GRM8: variants seen among roughly 807,000 people sequenced by gnomAD.
GRM8 encodes metabotropic glutamate receptor 8.
In GRM8, 47 loss-of-function variants were observed where a neutral mutation model predicts 87.2. That is an observed-to-expected ratio of 0.54 (90% CI 0.43 to 0.69). The LOEUF is 0.69. Ranked by LOEUF, GRM8 falls within the 30% of genes least tolerant of loss-of-function variation. The pLI is 0.00. For synonymous variants in GRM8, 396 were observed against 404.5 expected (o/e 0.98, Z 0.25); for missense variants, 1,019 against 1,139.2 (o/e 0.89, Z 1.52).
chr7:126,865,349 C>CA (rs1164906420), intron 6 of GRM8, among the ~76,000 whole-genome samples: 1 of 152,080 alleles, frequency 6.6e-6, no homozygotes, highest in Non-Finnish European at 1.5e-5. Flanking sequence ...TTGGTGTTTC[C>CA]AAAGATCATC....
At chr7:127,111,746 G>A (rs528576669) in intron 2 of GRM8, among the ~76,000 whole-genome samples, 4 of 152,268 alleles carry the variant, frequency 2.6e-5, no homozygotes, top group African/African-American at 7.2e-5. Context: ...GATCTTAAAG[G>A]CTGGGTGCGG....
At chr7:126,609,868 C>T (rs1798744099) in intron 7 of GRM8, among the ~76,000 whole-genome samples, 1 of 152,182 alleles carries the variant, frequency 6.6e-6, no homozygotes, top group Non-Finnish European at 1.5e-5. Context: ...AGCTATTGTA[C>T]AATACGAACT....
chr7:126,447,760 A>C (rs978290464), intron 9 of GRM8, among the ~76,000 whole-genome samples: 3 of 151,950 alleles, frequency 2.0e-5, no homozygotes, highest in Non-Finnish European at 4.4e-5. Context: ...GCAGGATGTG[A>C]GGCACAAGTT....
intron 6 of GRM8, among the ~76,000 whole-genome samples, chr7:126,802,670 C>T (rs1822850705): frequency 6.6e-6 from 1 of 152,170 alleles, no homozygotes; most frequent in African/African-American, 2.4e-5. Context: ...TTCGTTTGGC[C>T]TTCCAGAATA....
chr7:126,809,957 G>C (rs753506277), intron 6 of GRM8, among the ~76,000 whole-genome samples: 1 of 152,050 alleles, frequency 6.6e-6, no homozygotes. Context: ...GCCTGTAAGA[G>C]GAATTCCACT....
chr7:127,131,376 G>C (rs970022976), intron 2 of GRM8, among the ~76,000 whole-genome samples: 1 of 152,192 alleles, frequency 6.6e-6, no homozygotes, highest in Non-Finnish European at 1.5e-5. Flanking sequence ...ATTAGACCAA[G>C]GGACAGACAA....
At chr7:127,120,113 C>A (rs1826945969) in intron 2 of GRM8, among the ~76,000 whole-genome samples, 1 of 152,150 alleles carries the variant, frequency 6.6e-6, no homozygotes, top group South Asian at 2.1e-4. Flanking sequence ...TCATAGCTGG[C>A]CAATTGGCTG....
intron 6 of GRM8, among the ~76,000 whole-genome samples, chr7:126,775,445 A>T (rs1158277337): frequency 6.8e-6 from 1 of 146,432 alleles, no homozygotes; most frequent in Non-Finnish European, 1.5e-5. Context: ...CACATCACAC[A>T]CTAAAGAGTG....
At chr7:126,650,492 C>A (rs1044580757) in intron 7 of GRM8, among the ~76,000 whole-genome samples, 2 of 152,108 alleles carry the variant, frequency 1.3e-5, no homozygotes, top group African/African-American at 2.4e-5. Context: ...GTGGGCAGAA[C>A]TTCAAGCAGT....
rs1801133697 is a variant in GRM8, at chr7:126,438,879, T to A, written c.*240A>T. 3 of 402,482 alleles carry A rather than the reference T, an allele frequency of 7.5e-6. No individual in the cohort carries two copies. The East Asian group carries it at 1.1e-4, about 15-fold the overall frequency. The allele number at this position is 402,482 out of a possible 1,614,324, so 24.9% of individuals were successfully genotyped here. A position where few individuals can be genotyped will look rare whatever the true frequency, so the allele number is the denominator to read the frequency against. On this transcript the variant is annotated 3_prime_UTR_variant, in exon 11 of 11. Transcript: ENST00000339582. ...TTTTCCTTTTGTGATTTGTTTTAACTGCTCATGAATAAGCAATACTTTAGC... is the reference window on the plus strand; with the variant it reads ...TTTTCCTTTTGTGATTTGTTTTAACAGCTCATGAATAAGCAATACTTTAGC...
At chr7:126,450,387 T>G (rs538564766) in intron 9 of GRM8, among the ~76,000 whole-genome samples, 1 of 151,950 alleles carries the variant, frequency 6.6e-6, no homozygotes, top group South Asian at 2.1e-4. Context: ...TATTTCTGTT[T>G]TGCCCTCGAT....
chr7:127,040,397 C>T (rs1056212768), intron 3 of GRM8, among the ~76,000 whole-genome samples: 26 of 152,140 alleles, frequency 1.7e-4, no homozygotes, highest in African/African-American at 6.0e-4. Flanking sequence ...CACTCAGATG[C>T]CACAAATGCC....
chr7:126,510,771 T>C (rs1811245983), intron 9 of GRM8, among the ~76,000 whole-genome samples: 1 of 152,120 alleles, frequency 6.6e-6, no homozygotes, highest in Non-Finnish European at 1.5e-5. Context: ...ACTCAGTGTC[T>C]TTTAAGAGCT....
At chr7:127,141,423 A>C (rs1828249178) in intron 2 of GRM8, among the ~76,000 whole-genome samples, 2 of 152,178 alleles carry the variant, frequency 1.3e-5, no homozygotes, top group Non-Finnish European at 2.9e-5. Context: ...TGCTTTATCT[A>C]GTCAGATAAT....
intron 6 of GRM8, among the ~76,000 whole-genome samples, chr7:126,782,179 T>G (rs180944340): frequency 6.6e-6 from 1 of 152,236 alleles, no homozygotes; most frequent in East Asian, 1.9e-4. Flanking sequence ...AGTTGAGAGG[T>G]GGGTTTGTAT....
chr7:126,737,818 G>A (rs2151499512), intron 7 of GRM8, among the ~76,000 whole-genome samples: 1 of 152,126 alleles, frequency 6.6e-6, no homozygotes, highest in South Asian at 2.1e-4. Flanking sequence ...GTCTAGGGTG[G>A]AGGCAGACAA....
At chr7:126,638,322 C>CCTT (rs1802055556) in intron 7 of GRM8, among the ~76,000 whole-genome samples, 1 of 152,124 alleles carries the variant, frequency 6.6e-6, no homozygotes. Flanking sequence ...CCTCCAGATA[C>CCTT]CTTCCTACTG....
At chr7:127,029,445 C>A (rs1056463965) in intron 3 of GRM8, among the ~76,000 whole-genome samples, 16 of 152,032 alleles carry the variant, frequency 1.1e-4, no homozygotes, top group African/African-American at 3.9e-4. Flanking sequence ...TTAAAGTCTC[C>A]CATTATTATT....
chr7:126,969,892 A>C (rs1340727359), intron 3 of GRM8, among the ~76,000 whole-genome samples: 1 of 152,104 alleles, frequency 6.6e-6, no homozygotes, highest in Non-Finnish European at 1.5e-5. Context: ...TGCAGAATGG[A>C]TGTTGTGTTA....
Sources: allele counts gnomAD v4.1 joint callset (sites outside exome capture counted in the v4.1 genomes callset), GRCh38; gene constraint gnomAD v4.1.1; transcripts MANE v1.5; gene names NCBI Gene and HGNC (gene_info 2026-07-23, HGNC 2026-07-21).